LYPD6B: variants seen among roughly 807,000 people sequenced by gnomAD.
LYPD6B encodes the protein LY6/PLAUR domain containing 6B.
In LYPD6B, 17 loss-of-function variants were observed where a neutral mutation model predicts 22.8. That is an observed-to-expected ratio of 0.75 (90% confidence interval 0.51 to 1.12). The LOEUF (loss-of-function observed/expected upper bound fraction) is 1.12. LYPD6B is among the 50% of genes most tolerant of loss of function. The pLI is 0.00. For missense variants in LYPD6B, 221 were observed against 258.3 expected (o/e 0.86, Z 0.99); for synonymous variants, 106 against 91.6 (o/e 1.16, Z -0.90).
chr2:149,213,274 C>T (rs1693992252), intron 6 of LYPD6B, among the ~76,000 whole-genome samples, 152 bp downstream of exon 6: 1 of 151,860 alleles, frequency 6.6e-6, no homozygotes, highest in South Asian at 2.1e-4. Context: ...GACCAAAGAA[C>T]AGACTCCATA....
intron 3 of LYPD6B, among the ~76,000 whole-genome samples, chr2:149,185,116 A>C (rs1249503493): frequency 6.6e-6 from 1 of 152,296 alleles, no homozygotes; most frequent in East Asian, 1.9e-4. Context: ...CCTCCTATAC[A>C]CATATTCTTC....
At chr2:149,039,599 A>G (rs1682976442) in intron 1 of LYPD6B, among the ~76,000 whole-genome samples, 1 of 152,236 alleles carries the variant, frequency 6.6e-6, no homozygotes, top group South Asian at 2.1e-4. Context: ...TAAAATAGGT[A>G]TTATTAATAT....
chr2:149,041,082 G>A (rs143904850), intron 1 of LYPD6B, among the ~76,000 whole-genome samples: 48 of 137,692 alleles, frequency 3.5e-4, no homozygotes, highest in African/African-American at 1.3e-3. Flanking sequence ...CTGGGCAGCA[G>A]AGCAAGACTC....
At chr2:149,046,973 C>A (rs1294655949) in intron 1 of LYPD6B, among the ~76,000 whole-genome samples, 1 of 152,128 alleles carries the variant, frequency 6.6e-6, no homozygotes, top group Non-Finnish European at 1.5e-5. Context: ...CAATTCTTTA[C>A]AAATGTATTT....
intron 1 of LYPD6B, among the ~76,000 whole-genome samples, chr2:149,047,387 A>C (rs1683359238): frequency 6.6e-6 from 1 of 152,236 alleles, no homozygotes; most frequent in Non-Finnish European, 1.5e-5. Flanking sequence ...CAATTTAAAA[A>C]AAAAATTCAG....
rs146318851 is a variant in LYPD6B, at chr2:149,182,279, A to G, written c.77+21444A>G. Among the ~76,000 whole-genome samples the G allele has an allele frequency of 6.6e-3, 1,001 of 152,270 alleles. 16 individuals carry two copies. Among genetic ancestry groups the G allele is most frequent in the African/African-American group, 0.023 (963 of 41,548 alleles). On this transcript the variant is annotated intron_variant, in intron 3 of 6. Coordinates refer to ENST00000409642, the MANE Select transcript of LYPD6B (RefSeq NM_177964.5). Reference sequence around the variant, plus strand: ...TGTGCTTACTCCAGTTATTTAATGCATCATCAGTTTTTTGGGTCGAAGAGT... The same window carrying G: ...TGTGCTTACTCCAGTTATTTAATGCGTCATCAGTTTTTTGGGTCGAAGAGT...
chr2:149,083,988 T>G (rs1685266504), intron 1 of LYPD6B, among the ~76,000 whole-genome samples: 1 of 151,008 alleles, frequency 6.6e-6, no homozygotes, highest in Non-Finnish European at 1.5e-5. Context: ...GGCATGCGCC[T>G]GTAGTCCCAG....
At chr2:149,119,413 A>C (rs59583116) in intron 1 of LYPD6B, among the ~76,000 whole-genome samples, 15,577 of 152,274 alleles carry the variant, frequency 0.1, 2,278 homozygotes, top group African/African-American at 0.3. Flanking sequence ...TTCCACACGA[A>C]GACATTGTCT....
chr2:149,146,811 G>A (rs1035014832), intron 2 of LYPD6B, among the ~76,000 whole-genome samples: 2 of 152,124 alleles, frequency 1.3e-5, no homozygotes, highest in Admixed American at 6.5e-5. Context: ...GGGGCTGGTA[G>A]CTGTGGGATT....
chr2:149,105,520 A>G (rs1686429849), intron 1 of LYPD6B, among the ~76,000 whole-genome samples: 1 of 152,164 alleles, frequency 6.6e-6, no homozygotes, highest in Non-Finnish European at 1.5e-5. Flanking sequence ...ATTCTTTCAC[A>G]TTATTGTCAG....
Position 149,195,135 on chromosome 2 carries a change from G to T in LYPD6B, c.78-10118G>T, listed in dbSNP as rs534116233. On this transcript the variant is annotated intron_variant, in intron 3 of 6. Coordinates refer to ENST00000409642, the MANE Select transcript of LYPD6B (RefSeq NM_177964.5). ...GTGAAAAGTCATTTTTTTAAAATTT[G>T]CAATATCTGCAAGCGTATGAGGTCT... 1.2e-4 allele frequency among the ~76,000 whole-genome samples: 19 copies of T among 152,288 alleles called. No individual in the cohort carries two copies. The South Asian group carries it at 3.9e-3, about 32-fold the overall frequency.
At chr2:149,143,538 A>G (rs1688827934) in intron 2 of LYPD6B, among the ~76,000 whole-genome samples, 1 of 150,592 alleles carries the variant, frequency 6.6e-6, no homozygotes, top group African/African-American at 2.4e-5. Context: ...AAAAAATCAC[A>G]CCACCATCAC....
At chr2:149,172,001 T>G (rs993131326) in intron 3 of LYPD6B, among the ~76,000 whole-genome samples, 2 of 152,158 alleles carry the variant, frequency 1.3e-5, no homozygotes, top group Non-Finnish European at 2.9e-5. Context: ...CTGTATTAGT[T>G]TGTTATCATG....
chr2:149,136,830 G>A (rs991862363), intron 2 of LYPD6B, among the ~76,000 whole-genome samples: 3 of 152,176 alleles, frequency 2.0e-5, no homozygotes, highest in Non-Finnish European at 4.4e-5. Context: ...TCTATGAAGA[G>A]GGAACAGTGC....
chr2:149,182,053 C>T (rs576657609), intron 3 of LYPD6B, among the ~76,000 whole-genome samples: 1 of 152,206 alleles, frequency 6.6e-6, no homozygotes, highest in East Asian at 1.9e-4. Context: ...CTGTAAGTGG[C>T]GTTAATAATA....
chr2:149,167,834 T>C (rs1303728378), intron 3 of LYPD6B, among the ~76,000 whole-genome samples: 4 of 152,192 alleles, frequency 2.6e-5, no homozygotes, highest in Admixed American at 1.3e-4. Flanking sequence ...CCCTTCTTTT[T>C]ATATTTTTCT....
intron 1 of LYPD6B, among the ~76,000 whole-genome samples, chr2:149,051,217 G>A (rs936882560): frequency 9.2e-5 from 14 of 151,782 alleles, no homozygotes; most frequent in African/African-American, 2.9e-4. Flanking sequence ...CCAGGCTGGA[G>A]TGCAGTGGCA....
At chr2:149,090,011 G>T (rs1329818685) in intron 1 of LYPD6B, among the ~76,000 whole-genome samples, 1 of 152,114 alleles carries the variant, frequency 6.6e-6, no homozygotes, top group African/African-American at 2.4e-5. Context: ...CTAAGAGTGT[G>T]TGATGGGGAT....
chr2:149,122,486 T>G (rs1467412216), intron 1 of LYPD6B, among the ~76,000 whole-genome samples: 1 of 151,954 alleles, frequency 6.6e-6, no homozygotes, highest in African/African-American at 2.4e-5. Flanking sequence ...TTGGTACATA[T>G]GTATACATGT....
Sources: allele counts gnomAD v4.1 joint callset (sites outside exome capture counted in the v4.1 genomes callset), GRCh38; gene constraint gnomAD v4.1.1; transcripts MANE v1.5; gene names NCBI Gene and HGNC (gene_info 2026-07-23, HGNC 2026-07-21).